The following PDZD2 variants were observed in gnomAD, a reference collection of about 807,000 sequenced individuals.
PDZD2 encodes the protein PDZ domain-containing protein 2.
A neutral mutation model predicts 220.7 loss-of-function variants in PDZD2; 90 were observed. The ratio of observed to expected loss-of-function variants is 0.41; its 90% confidence interval spans 0.34 to 0.49. PDZD2 has a LOEUF of 0.49. Ranked by LOEUF, PDZD2 falls within the 20% of genes least tolerant of loss-of-function variation. The probability of loss-of-function intolerance (pLI) is 0.28; values close to 1 mark genes in which losing one functional copy is unlikely to be tolerated. For missense variants in PDZD2, 3,174 were observed against 3,608.5 expected (o/e 0.88, Z 3.08); for synonymous variants, 1,375 against 1,450.5 (o/e 0.95, Z 1.18).
intron 1 of PDZD2, among the ~76,000 whole-genome samples, chr5:31,794,513 G>A (rs1753908935): frequency 6.8e-6 from 1 of 147,718 alleles, no homozygotes; most frequent in East Asian, 2.0e-4. Flanking sequence ...CCATTCTCCT[G>A]CCTCAGCCTC....
intron 5 of PDZD2, among the ~76,000 whole-genome samples, chr5:32,006,978 C>T (rs868749745): frequency 1.4e-5 from 2 of 137,936 alleles, no homozygotes; most frequent in Non-Finnish European, 1.5e-5. Flanking sequence ...TGCAGTGGCG[C>T]CATCTCAGCT....
At chr5:32,071,261 G>T (rs568686372) in intron 15 of PDZD2, 123 bp from the exon 16 acceptor site, 3 of 767,094 alleles carry the variant, frequency 3.9e-6, no homozygotes, top group East Asian at 4.9e-5. Flanking sequence ...CATGCAGCCC[G>T]TCATCAAGCA....
chr5:31,948,510 G>C (rs1173152566), intron 2 of PDZD2, among the ~76,000 whole-genome samples: 1 of 152,154 alleles, frequency 6.6e-6, no homozygotes, highest in Non-Finnish European at 1.5e-5. Context: ...AAATGATAGA[G>C]CTTGAGAACA....
rs571360045 is a variant in PDZD2 at position 31,822,763 on chromosome 5, C to G, written c.476+23039C>G. ...AGGAACACCTGGCCTCATCCAAATC[C>G]TGCAGATGTATTTTTCACCCAAGAA... On this transcript the variant is annotated intron_variant, in intron 2 of 24. Coordinates refer to ENST00000438447, the MANE Select transcript of PDZD2 (RefSeq NM_178140.4). 2.5e-5 allele frequency: 26 copies of G among 1,038,276 alleles called. No homozygotes were observed. The East Asian group carries it at 6.7e-4, about 27-fold the overall frequency. The allele number at this position is 1,038,276 out of a possible 1,614,324, so 64.3% of individuals were successfully genotyped here.
chr5:31,958,445 G>C (rs1747923937), intron 2 of PDZD2, among the ~76,000 whole-genome samples: 6 of 151,830 alleles, frequency 4.0e-5, no homozygotes, highest in Admixed American at 3.9e-4. Flanking sequence ...GTAGAGATGG[G>C]GTTTCATCAT....
intron 2 of PDZD2, among the ~76,000 whole-genome samples, chr5:31,916,003 G>A (rs1055446898): frequency 7.9e-5 from 12 of 152,252 alleles, no homozygotes; most frequent in Admixed American, 7.8e-4. Flanking sequence ...TTGGATAGGG[G>A]CCCCATATGT....
chr5:32,089,378 C>A lies in PDZD2; in HGVS notation c.5930C>A (p.Thr1977Lys). 6.2e-7 allele frequency: 1 copy of A among 1,614,098 alleles called. No homozygotes were observed. Among genetic ancestry groups the A allele is most frequent in the African/African-American group, 1.3e-5 (1 of 75,058 alleles). ...SGPLKPSVSDTSIRTFVSPLT... is the reference protein window; with the variant it reads ...SGPLKPSVSDKSIRTFVSPLT... ...CCACTGAAACCCTCAGTGTCTGACA[C>A]GAGCATCAGGACATTTGTCTCGCCC... The change falls in exon 20 of 25, where the codon ACG becomes AAG. Residue 1977 changes from threonine (T) to lysine (K), a missense_variant. Transcript: ENST00000438447.
rs532606572 is a variant in PDZD2, at chr5:31,644,311, G to A, written c.-361+4874G>A. Reference sequence around the variant, plus strand: ...CTATTATCCATACTTTAGAAATAGAGAAAAGATGGAATTGGAAAAGAATAC... The same window carrying A: ...CTATTATCCATACTTTAGAAATAGAAAAAAGATGGAATTGGAAAAGAATAC... On this transcript the variant is annotated intron_variant, in intron 1 of 24. Transcript: ENST00000438447. Among the ~76,000 whole-genome samples, 150 of 152,264 alleles carry A rather than the reference G, an allele frequency of 9.9e-4. 1 individual carries two copies. Among genetic ancestry groups the A allele is most frequent in the African/African-American group, 3.3e-3 (138 of 41,552 alleles).
At chr5:31,981,475 G>A (rs1750295295) in intron 2 of PDZD2, among the ~76,000 whole-genome samples, 1 of 152,156 alleles carries the variant, frequency 6.6e-6, no homozygotes, top group South Asian at 2.1e-4. Context: ...ATGAGAGGAG[G>A]ACTTTGATGA....
intron 2 of PDZD2, among the ~76,000 whole-genome samples, chr5:31,857,326 A>G (rs772640197): frequency 5.3e-5 from 8 of 152,154 alleles, no homozygotes; most frequent in African/African-American, 1.9e-4. Flanking sequence ...TCTCACTGTT[A>G]TTATGAGAAT....
At chr5:31,724,180 T>A (rs1320459954) in intron 1 of PDZD2, among the ~76,000 whole-genome samples, 2 of 152,196 alleles carry the variant, frequency 1.3e-5, no homozygotes, top group African/African-American at 4.8e-5. Flanking sequence ...ATTTTCCCCT[T>A]ACAATCCTTT....
At chr5:31,997,551 C>T (rs190881211) in intron 4 of PDZD2, among the ~76,000 whole-genome samples, 4 of 152,286 alleles carry the variant, frequency 2.6e-5, no homozygotes, top group African/African-American at 9.6e-5. Flanking sequence ...GAGCTCCTGT[C>T]AGATAGACAG....
Position 31,983,345 on chromosome 5 carries a change from T to C in PDZD2, c.667T>C (p.Ser223Pro), listed in dbSNP as rs766714801. Residue 223 changes from serine to proline, a missense_variant, in exon 3 of 25, where the codon TCC becomes CCC. Physicochemically the swap from Ser to Pro is moderately conservative, Grantham distance 74. Coordinates refer to ENST00000438447, the MANE Select transcript of PDZD2 (RefSeq NM_178140.4). Reference sequence around the variant, plus strand: ...ACGAACCAGAAAGTTTGGGGTCATCTCCAGGCCTCCTGCCAACAAGGCCCC... The same window carrying C: ...ACGAACCAGAAAGTTTGGGGTCATCCCCAGGCCTCCTGCCAACAAGGCCCC... The part of the protein sequence containing the change: ...GKRTRKFGVI[S>P]RPPANKAPEE... 13 of 1,614,048 alleles carry C rather than the reference T, an allele frequency of 8.1e-6. No homozygotes were observed. The highest frequency in any genetic ancestry group is 2.2e-5 in the South Asian group (2 of 91,088).
intron 10 of PDZD2, among the ~76,000 whole-genome samples, chr5:32,056,436 A>T (rs1739087158): frequency 6.6e-6 from 1 of 152,208 alleles, no homozygotes; most frequent in Non-Finnish European, 1.5e-5. Context: ...TCTCTACAGC[A>T]ATGCTGTGCA....
intron 2 of PDZD2, among the ~76,000 whole-genome samples, chr5:31,810,421 C>T (rs1755032936): frequency 6.6e-6 from 1 of 152,082 alleles, no homozygotes; most frequent in South Asian, 2.1e-4. Context: ...CACCACCACG[C>T]CTCACTAAAT....
chr5:32,044,971 A>C (rs567852619), intron 7 of PDZD2, among the ~76,000 whole-genome samples: 26 of 152,370 alleles, frequency 1.7e-4, no homozygotes, highest in African/African-American at 5.8e-4. Flanking sequence ...TAATGTGATC[A>C]GCTCTTAATT....
chr5:32,052,928 G>A (rs1264777174), intron 9 of PDZD2, among the ~76,000 whole-genome samples, 198 bp downstream of exon 9: 3 of 152,042 alleles, frequency 2.0e-5, no homozygotes, highest in East Asian at 1.9e-4. Flanking sequence ...CTCCCACCTC[G>A]ACTTCCCAAA....
intron 24 of PDZD2, among the ~76,000 whole-genome samples, chr5:32,102,794 C>A (rs910875375): frequency 3.3e-5 from 5 of 151,856 alleles, no homozygotes; most frequent in South Asian, 4.2e-4. Context: ...GTAAAAAAAA[C>A]AAAATGCAAG....
intron 8 of PDZD2, among the ~76,000 whole-genome samples, chr5:32,051,696 G>T (rs1401948560): frequency 6.6e-6 from 1 of 152,128 alleles, no homozygotes; most frequent in Non-Finnish European, 1.5e-5. Flanking sequence ...GGTGAGATTG[G>T]AGCTGCTGCG....
Sources: gnomAD v4.1 joint callset for allele counts (sites outside exome capture counted in the v4.1 genomes callset) on GRCh38, gnomAD v4.1.1 for gene constraint, MANE v1.5 for transcripts, NCBI Gene and HGNC (gene_info 2026-07-23, HGNC 2026-07-21) for gene names.